Variants in ITPR2 observed in about 807,000 individuals in gnomAD.
ITPR2 encodes the protein inositol 1,4,5-trisphosphate receptor type 2, also known as inositol 1,4,5-trisphosphate-gated calcium channel ITPR2.
In ITPR2, 207 loss-of-function variants were observed where a neutral mutation model predicts 317.1. The ratio of observed to expected loss-of-function variants is 0.65; its 90% CI spans 0.58 to 0.73. The LOEUF (loss-of-function observed/expected upper bound fraction) is 0.73, where lower values mean the gene tolerates loss of function less well. Among genes scored for constraint, ITPR2 ranks in the 30% least tolerant of loss-of-function variants. ITPR2 has a pLI of 0.00. For missense variants in ITPR2, 2,613 were observed against 3,284.0 expected (o/e 0.80, Z 4.99); for synonymous variants, 1,156 against 1,149.1 (o/e 1.01, Z -0.12).
intron 45 of ITPR2, among the ~76,000 whole-genome samples, chr12:26,454,501 G>T (rs751233816): frequency 6.6e-6 from 1 of 152,076 alleles, no homozygotes; most frequent in African/African-American, 2.4e-5. Context: ...CCACCATGCC[G>T]GGCCAGAAAT....
chr12:26,418,322 A>G (rs1158416390), intron 50 of ITPR2, among the ~76,000 whole-genome samples: 2 of 152,182 alleles, frequency 1.3e-5, no homozygotes, highest in Non-Finnish European at 2.9e-5. Context: ...AAAGATAAAT[A>G]AATTGTTCCT....
chr12:26,669,392 C>T (rs781336825), intron 13 of ITPR2, among the ~76,000 whole-genome samples: 19 of 151,958 alleles, frequency 1.3e-4, no homozygotes, highest in Non-Finnish European at 2.2e-4. Flanking sequence ...TGCAGGAAAA[C>T]GGCTGAAAAT....
chr12:26,485,875 G>C (rs531327145), intron 41 of ITPR2, among the ~76,000 whole-genome samples: 16 of 152,302 alleles, frequency 1.1e-4, no homozygotes, highest in Non-Finnish European at 2.2e-4. Context: ...TAAAAATATT[G>C]AGGAGGATGA....
chr12:26,443,819 A>T (rs1318721010), intron 45 of ITPR2, among the ~76,000 whole-genome samples, 169 bp from the exon 46 acceptor site: 1 of 152,186 alleles, frequency 6.6e-6, no homozygotes, highest in East Asian at 1.9e-4. Flanking sequence ...GAGATAATGA[A>T]ATCACAATGA....
In ITPR2 at chr12:26,443,601, T is replaced by C. The variant is rs754460674; in HGVS notation, c.6392A>G (p.Asp2131Gly). 1 of 1,613,140 alleles carries C rather than the reference T, an allele frequency of 6.2e-7. No homozygotes were observed. The highest frequency in any genetic ancestry group is 8.5e-7 in the Non-Finnish European group (1 of 1,179,300). The change falls in exon 46 of 57, where the codon GAT becomes GGT. Residue 2131 changes from aspartate to glycine, a missense_variant. Physicochemically the swap from Asp to Gly is moderately conservative, Grantham distance 94. Around this residue, in one of 9 missense-constraint regions of ITPR2, gnomAD observed 926 missense variants for 1,072.8 expected, o/e 0.86. Coordinates refer to ENST00000381340, the MANE Select transcript of ITPR2 (RefSeq NM_002223.4). ...LLQQMLKPGS[D>G]PDEGDEALKY... ...TAAGGCTTCATCTCCTTCATCTGGA[T>C]CCGATCCTGGTTTGAGCATCTGCTG...
At position 26,798,616 on chromosome 12, in the gene ITPR2, C is replaced by G. The variant is rs1434333427; in HGVS notation, c.93-8389G>C. Among the ~76,000 whole-genome samples the G allele has an allele frequency of 3.3e-5, 5 of 152,214 alleles. No individual in the cohort carries two copies. In the South Asian group the frequency reaches 1.0e-3, roughly 32 times the overall value. On this transcript the variant is annotated intron_variant, in intron 1 of 56. Coordinates refer to ENST00000381340, the MANE Select transcript of ITPR2 (RefSeq NM_002223.4). The stretch of plus-strand genomic sequence containing the variant: ...CACATTTTTTAACTTAGCCAACACT[C>G]AAGTTGCCCAAATAAGAAGTAGATC...
At chr12:26,699,066 A>G (rs192255465) in intron 9 of ITPR2, among the ~76,000 whole-genome samples, 23 of 151,960 alleles carry the variant, frequency 1.5e-4, no homozygotes, top group Admixed American at 1.3e-3. Flanking sequence ...GATATGCAAC[A>G]TGTTCGACCA....
In ITPR2 at chr12:26,338,126, A is replaced by G. The variant is rs997038400; in HGVS notation, c.*1271T>C. 2.0e-5 allele frequency: 3 copies of G among 151,938 alleles called. No individual in the cohort carries two copies. Among genetic ancestry groups the G allele is most frequent in the Admixed American group, 2.0e-4 (3 of 15,232 alleles). 9.4% of individuals were successfully genotyped at this position (151,938 alleles called of 1,614,324 possible). A position where few individuals can be genotyped will look rare whatever the true frequency, so the allele number is the denominator to read the frequency against. ...CCAGAGTCTGGTATCAAGTGTCTTC[A>G]CTCCCTGTCACATCACTTTTTTCCC... On this transcript the variant is annotated 3_prime_UTR_variant, in exon 57 of 57. Coordinates refer to ENST00000381340, the MANE Select transcript of ITPR2 (RefSeq NM_002223.4).
chr12:26,462,436 A>G (rs1177220311), intron 45 of ITPR2, among the ~76,000 whole-genome samples: 1 of 151,960 alleles, frequency 6.6e-6, no homozygotes, highest in Non-Finnish European at 1.5e-5. Flanking sequence ...CTGGTCTGGA[A>G]CTCCTGACCT....
At chr12:26,765,757 T>C (rs1269369879) in intron 2 of ITPR2, among the ~76,000 whole-genome samples, 1 of 152,124 alleles carries the variant, frequency 6.6e-6, no homozygotes, top group Non-Finnish European at 1.5e-5. Flanking sequence ...AGAACATTTT[T>C]ATCAATTCAA....
At chr12:26,398,347 C>G (rs1187442263) in intron 54 of ITPR2, among the ~76,000 whole-genome samples, 1 of 152,006 alleles carries the variant, frequency 6.6e-6, no homozygotes, top group African/African-American at 2.4e-5. Flanking sequence ...CACTTGAACC[C>G]GGGAGGCAGA....
Position 26,494,308 on chromosome 12 carries a change from C to T in ITPR2, c.5215G>A (p.Gly1739Arg). 1.2e-6 allele frequency: 2 copies of T among 1,610,176 alleles called. No individual in the cohort carries two copies. Among genetic ancestry groups the T allele is most frequent in the Non-Finnish European group, 1.7e-6 (2 of 1,178,686 alleles). Reference protein sequence around the residue: ...SFSGQDSDKMGISMSDIQCLL... With the variant: ...SFSGQDSDKMRISMSDIQCLL... ...CACTGAATGTCTGACATTGATATCCCCATCTTATCTGAATCTTGTCCAGAA... is the reference window on the plus strand; with the variant it reads ...CACTGAATGTCTGACATTGATATCCTCATCTTATCTGAATCTTGTCCAGAA... Residue 1739 changes from glycine to arginine, a missense_variant, in exon 39 of 57, where the codon GGG becomes AGG. By Grantham distance (125) the Gly-to-Arg change is moderately radical. This residue lies in a region of ITPR2 where 926 missense variants were observed against 1,072.8 expected (regional missense o/e 0.86). Coordinates refer to ENST00000381340, the MANE Select transcript of ITPR2 (RefSeq NM_002223.4).
intron 47 of ITPR2, 47 bp downstream of exon 47, chr12:26,439,080 A>G: frequency 8.2e-7 from 1 of 1,213,254 alleles, no homozygotes; most frequent in Non-Finnish European, 1.2e-6. Context: ...GTACCAAATT[A>G]TCTACCACTA....
At chr12:26,739,906 T>G (rs1400083990) in intron 2 of ITPR2, among the ~76,000 whole-genome samples, 1 of 152,232 alleles carries the variant, frequency 6.6e-6, no homozygotes, top group African/African-American at 2.4e-5. Context: ...AAAGATAAAC[T>G]TTAAAGACAT....
At chr12:26,382,491 C>G (rs1158783054) in intron 55 of ITPR2, among the ~76,000 whole-genome samples, 4 of 152,148 alleles carry the variant, frequency 2.6e-5, no homozygotes, top group African/African-American at 7.2e-5. Flanking sequence ...GTGGTGAAAC[C>G]CTGTCTCCAC....
chr12:26,579,624 T>G (rs534247616), intron 33 of ITPR2, among the ~76,000 whole-genome samples: 7 of 152,266 alleles, frequency 4.6e-5, no homozygotes, highest in Admixed American at 4.6e-4. Context: ...TAAGGATGTT[T>G]AATTGATTAA....
chr12:26,357,557 C>A (rs1317059230), intron 55 of ITPR2, among the ~76,000 whole-genome samples: 2 of 152,236 alleles, frequency 1.3e-5, no homozygotes, highest in Admixed American at 6.5e-5. Flanking sequence ...TCTGTTATAG[C>A]AAATTATTGA....
chr12:26,698,351 A>G (rs1948387786), intron 9 of ITPR2, among the ~76,000 whole-genome samples: 1 of 152,246 alleles, frequency 6.6e-6, no homozygotes, highest in South Asian at 2.1e-4. Flanking sequence ...TAAATGTGGC[A>G]TATTCAAACA....
chr12:26,613,782 C>A (rs916435567), intron 26 of ITPR2, among the ~76,000 whole-genome samples: 3 of 152,148 alleles, frequency 2.0e-5, no homozygotes, highest in African/African-American at 4.8e-5. Flanking sequence ...AAAAAATTCT[C>A]TTGAGGCTCC....
Sources: gnomAD v4.1 joint callset for allele counts (sites outside exome capture counted in the v4.1 genomes callset) on GRCh38, gnomAD v4.1.1 for gene constraint, gnomAD v4.1.1 regional missense constraint, MANE v1.5 for transcripts, NCBI Gene and HGNC (gene_info 2026-07-23, HGNC 2026-07-21) for gene names.